The following TG variants were observed in gnomAD, a reference collection of about 807,000 sequenced individuals.
The protein encoded by TG is thyroglobulin.
TG carries 270 observed loss-of-function variants against 324.7 expected under a neutral mutation model. The observed-to-expected ratio is 0.83, with a 90% CI of 0.75 to 0.92. The LOEUF is 0.92. Ranked by LOEUF, TG falls within the 40% of genes least tolerant of loss-of-function variation. The pLI is 0.00. For synonymous variants in TG, 1,401 were observed against 1,327.0 expected (o/e 1.06, Z -1.21); for missense variants, 3,591 against 3,456.4 (o/e 1.04, Z -0.98).
At chr8:133,110,551 G>A (rs1335289008) in intron 43 of TG, among the ~76,000 whole-genome samples, 6 of 152,244 alleles carry the variant, frequency 3.9e-5, no homozygotes, top group East Asian at 1.9e-4. Flanking sequence ...CTAATAAAGC[G>A]GTTTGGGGCC....
intron 35 of TG, among the ~76,000 whole-genome samples, chr8:133,001,162 G>A (rs1833448554): frequency 6.6e-6 from 1 of 152,178 alleles, no homozygotes; most frequent in Admixed American, 6.5e-5. Context: ...TCTGTTAAGA[G>A]TCTACCCCAA....
At chr8:133,039,371 A>AT (rs1268539596) in intron 41 of TG, among the ~76,000 whole-genome samples, 35 of 152,286 alleles carry the variant, frequency 2.3e-4, no homozygotes, top group Non-Finnish European at 4.6e-4. Flanking sequence ...GTAAAAATTA[A>AT]TTTTTGTTAT....
chr8:132,893,825 G>C lies in TG; in HGVS notation c.2897G>C (p.Arg966Thr). The change falls in exon 11 of 48, where the codon AGG (arginine) becomes ACG (threonine). Residue 966 changes from arginine to threonine, a missense_variant. By Grantham distance (71) the Arg-to-Thr change is moderately conservative. Transcript: ENST00000220616. ...SFLVAKGIRL[R>T]NEDLGLPPLF... Reference sequence around the variant, plus strand: ...CTGGTGGCCAAGGGAATCCGGCTGAGGAATGAGGACCTCGGCCTTCCTCCG... The same window carrying C: ...CTGGTGGCCAAGGGAATCCGGCTGACGAATGAGGACCTCGGCCTTCCTCCG... 1.2e-6 allele frequency: 2 copies of C among 1,614,012 alleles called. No individual in the cohort carries two copies. The highest frequency in any genetic ancestry group is 1.7e-6 in the Non-Finnish European group (2 of 1,179,944).
At chr8:132,992,445 T>A (rs1832457582) in intron 35 of TG, among the ~76,000 whole-genome samples, 1 of 152,226 alleles carries the variant, frequency 6.6e-6, no homozygotes, top group Non-Finnish European at 1.5e-5. Context: ...GTTACTGCAG[T>A]CTTTGCCTTT....
chr8:132,935,979 C>A, intron 25 of TG, 115 bp downstream of exon 25: 1 of 792,342 alleles, frequency 1.3e-6, no homozygotes, highest in Non-Finnish European at 2.2e-6. Flanking sequence ...CTCCCCACTC[C>A]ACACCCTCAG....
In TG at chr8:132,882,485, G is replaced by A. The variant is rs776070964; in HGVS notation, c.762G>A (p.Leu254=). 12 of 1,614,156 alleles carry A rather than the reference G, an allele frequency of 7.4e-6. No individual in the cohort carries two copies. The highest frequency in any genetic ancestry group is 8.5e-6 in the Non-Finnish European group (10 of 1,179,998). The change falls in exon 7 of 48, where the codon CTG becomes CTA. Residue 254 remains leucine, a synonymous_variant. Coordinates refer to ENST00000220616, the MANE Select transcript of TG (RefSeq NM_003235.5). The part of the protein sequence containing the change: ...ELAETGLELL[L]DEIYDTIFAG... ...TTTGCTCAGGTTTGGAGTTGTTACTGGATGAAATTTATGACACCATTTTTG... is the reference window on the plus strand; with the variant it reads ...TTTGCTCAGGTTTGGAGTTGTTACTAGATGAAATTTATGACACCATTTTTG...
intron 27 of TG, among the ~76,000 whole-genome samples, chr8:132,958,543 C>T (rs1362710243): frequency 1.3e-5 from 2 of 152,098 alleles, no homozygotes; most frequent in African/African-American, 2.4e-5. Flanking sequence ...CATGGTGAAA[C>T]CCTGTCTCTA....
At chr8:133,044,471 T>C (rs1838923467) in intron 41 of TG, among the ~76,000 whole-genome samples, 1 of 152,122 alleles carries the variant, frequency 6.6e-6, no homozygotes, top group African/African-American at 2.4e-5. Context: ...AGCACACAAT[T>C]AACCAGGCCA....
At chr8:132,963,931 A>G (rs1446598821) in intron 29 of TG, among the ~76,000 whole-genome samples, 1 of 152,086 alleles carries the variant, frequency 6.6e-6, no homozygotes, top group Non-Finnish European at 1.5e-5. Context: ...CTTCCCTGCT[A>G]AGATCCCTGG....
chr8:133,056,575 G>A (rs191611625), intron 41 of TG, among the ~76,000 whole-genome samples: 77 of 152,306 alleles, frequency 5.1e-4, no homozygotes, highest in African/African-American at 1.7e-3. Context: ...AATCCCAGCT[G>A]TCTCCTCTGA....
intron 17 of TG, among the ~76,000 whole-genome samples, chr8:132,907,601 AG>A (rs1361484340): frequency 1.3e-5 from 2 of 152,160 alleles, no homozygotes; most frequent in Non-Finnish European, 2.9e-5. Context: ...TTTGTTGCAA[AG>A]CACTCTGGGT....
chr8:133,096,607 A>G (rs1848453595), intron 43 of TG, among the ~76,000 whole-genome samples: 1 of 152,190 alleles, frequency 6.6e-6, no homozygotes, highest in African/African-American at 2.4e-5. Context: ...GCTGTGGAAA[A>G]CTGGAGCTGA....
chr8:133,065,710 T>C (rs2739139), intron 41 of TG, among the ~76,000 whole-genome samples: 127,186 of 152,120 alleles, frequency 0.84, 53,618 homozygotes, highest in African/African-American at 0.94. Flanking sequence ...GGCAGTGAGT[T>C]GAGATCAGGC....
At chr8:133,128,611 G>T (rs1851718262) in intron 45 of TG, among the ~76,000 whole-genome samples, 1 of 152,160 alleles carries the variant, frequency 6.6e-6, no homozygotes, top group South Asian at 2.1e-4. Context: ...TTCAGCAGTG[G>T]AAGTGGGACT....
chr8:133,098,507 C>T (rs1848773144), intron 43 of TG, among the ~76,000 whole-genome samples: 1 of 152,222 alleles, frequency 6.6e-6, no homozygotes, highest in African/African-American at 2.4e-5. Flanking sequence ...TTATTTGATA[C>T]CCTCCTACAG....
chr8:132,897,937 T>A, intron 12 of TG, 151 bp downstream of exon 12: 1 of 1,041,360 alleles, frequency 9.6e-7, no homozygotes, highest in Non-Finnish European at 1.4e-6. Context: ...GGCCTCCAGT[T>A]ATCTCACTTG....
At chr8:133,068,509 T>G (rs920484811) in intron 41 of TG, among the ~76,000 whole-genome samples, 4 of 152,232 alleles carry the variant, frequency 2.6e-5, no homozygotes, top group Non-Finnish European at 5.9e-5. Context: ...ATTAAGTCAC[T>G]AGACCACTCT....
chr8:132,887,036 A>G lies in TG; in HGVS notation c.1664A>G (p.Glu555Gly). ...NKPTVGSFGF[E>G]INLQENQNAL... Reference sequence around the variant, plus strand: ...CCAACTGTGGGCAGCTTTGGCTTTGAAATTAACCTACAAGAGAACCAAAAT... The same window carrying G: ...CCAACTGTGGGCAGCTTTGGCTTTGGAATTAACCTACAAGAGAACCAAAAT... The change falls in exon 9 of 48, where the codon GAA becomes GGA. Residue 555 changes from glutamate (E) to glycine (G), a missense_variant. Glu to Gly is a moderately conservative substitution (Grantham distance 98). Coordinates refer to ENST00000220616, the MANE Select transcript of TG (RefSeq NM_003235.5). 6.2e-7 allele frequency: 1 copy of G among 1,614,194 alleles called. No homozygotes were observed. The highest frequency in any genetic ancestry group is 8.5e-7 in the Non-Finnish European group (1 of 1,180,032).
Position 132,882,937 on chromosome 8 carries a change from G to A in TG, c.1013G>A (p.Cys338Tyr). The change falls in exon 8 of 48, where the codon TGT becomes TAT. Residue 338 changes from cysteine to tyrosine, a missense_variant. Cys to Tyr is a radical substitution (Grantham distance 194). Coordinates refer to ENST00000220616, the MANE Select transcript of TG (RefSeq NM_003235.5). ...TGCCAGACGGAAGGGCCCTGCTGGTGTGTGGACGCCCAGGGGAAGGAAATG... is the reference window on the plus strand; with the variant it reads ...TGCCAGACGGAAGGGCCCTGCTGGTATGTGGACGCCCAGGGGAAGGAAATG... Reference protein sequence around the residue: ...VQCQTEGPCWCVDAQGKEMHG... With the variant: ...VQCQTEGPCWYVDAQGKEMHG... 6.2e-7 allele frequency: 1 copy of A among 1,614,202 alleles called. No individual in the cohort carries two copies. The highest frequency in any genetic ancestry group is 8.5e-7 in the Non-Finnish European group (1 of 1,180,028).
Sources: allele counts gnomAD v4.1 joint callset (sites outside exome capture counted in the v4.1 genomes callset), GRCh38; gene constraint gnomAD v4.1.1; transcripts MANE v1.5; gene names NCBI Gene and HGNC (gene_info 2026-07-23, HGNC 2026-07-21).